Variants in OSMR observed in about 807,000 individuals in gnomAD.
OSMR encodes oncostatin-M-specific receptor subunit beta.
Under a neutral mutation model 99.9 loss-of-function variants are expected in OSMR, and 81 were observed. The observed-to-expected ratio is 0.81, with a 90% CI of 0.68 to 0.97. The LOEUF is 0.97. Ranked by LOEUF, OSMR falls within the 50% of genes least tolerant of loss-of-function variation. The pLI is 0.00. For synonymous variants in OSMR, 406 were observed against 410.4 expected (o/e 0.99, Z 0.13); for missense variants, 1,099 against 1,153.4 (o/e 0.95, Z 0.68).
chr5:38,908,967 A>G (rs1745408627), intron 9 of OSMR, among the ~76,000 whole-genome samples: 1 of 152,228 alleles, frequency 6.6e-6, no homozygotes, highest in Non-Finnish European at 1.5e-5. Context: ...GATAGAAACA[A>G]AGATCATCAA....
intron 1 of OSMR, among the ~76,000 whole-genome samples, chr5:38,859,220 T>A (rs1252742544): frequency 6.6e-6 from 1 of 152,214 alleles, no homozygotes; most frequent in East Asian, 1.9e-4. Flanking sequence ...TTTTCTAGTA[T>A]TTTTATAGTT....
chr5:38,863,153 G>C (rs950738239), intron 1 of OSMR, among the ~76,000 whole-genome samples: 1 of 139,882 alleles, frequency 7.1e-6, no homozygotes, highest in African/African-American at 2.6e-5. Context: ...GGGAGACCAT[G>C]TAAAGAGGGA....
At chr5:38,886,381 A>G in intron 7 of OSMR, 191 bp downstream of exon 7, 2 of 1,409,072 alleles carry the variant, frequency 1.4e-6, no homozygotes, top group Non-Finnish European at 1.8e-6. Flanking sequence ...GTTTCTTTTA[A>G]TAATGTCACG....
At position 38,932,138 on chromosome 5, in the gene OSMR, G is replaced by A. The variant is rs140283432; in HGVS notation, c.2294+174G>A. ...TATTTCACAATTTTGTTTTCCAAGT[G>A]GCTATATGAGGAAACTAATCACCAT... On this transcript the variant is annotated intron_variant, in intron 16 of 17. Transcript: ENST00000274276. Among the ~76,000 whole-genome samples the A allele has an allele frequency of 7.9e-5, 12 of 152,222 alleles. No homozygotes were observed. In the East Asian group the frequency reaches 2.3e-3, roughly 29 times the overall value.
At chr5:38,923,069 T>G in intron 12 of OSMR, 81 bp from the exon 13 acceptor site, 1 of 1,572,654 alleles carries the variant, frequency 6.4e-7, no homozygotes, top group Non-Finnish European at 8.7e-7. Context: ...AGCCAACGTG[T>G]CATGCCTTTT....
At chr5:38,936,138 A>AAGT (rs1187756888), downstream of OSMR, among the ~76,000 whole-genome samples, 1 of 152,186 alleles carries the variant, frequency 6.6e-6, no homozygotes, top group Non-Finnish European at 1.5e-5. Flanking sequence ...ATATACACAA[A>AAGT]AGTAGAATAG....
intron 1 of OSMR, among the ~76,000 whole-genome samples, chr5:38,849,067 T>G (rs1258348686): frequency 6.6e-6 from 1 of 152,170 alleles, no homozygotes; most frequent in Non-Finnish European, 1.5e-5. Context: ...CGTGAGCCAC[T>G]GCGCCCGGCC....
Position 38,944,786 on chromosome 5 carries a change from T to C in OSMR, c.*87-160T>C. On this transcript the variant is annotated intron_variant and NMD_transcript_variant, in intron 2 of 2. Transcript: ENST00000508882. ...GCAATAATTAACAGTGTTAAATTGC[T>C]TCACTAAAATGGACGTATTACTGTT... 12 of 979,784 alleles carry C rather than the reference T, an allele frequency of 1.2e-5. No homozygotes were observed. In the South Asian group the frequency reaches 1.6e-4, roughly 13 times the overall value. The allele number at this position is 979,784 out of a possible 1,614,324, so 60.7% of individuals were successfully genotyped here.
chr5:38,885,758 A>T, intron 6 of OSMR: 1 of 556,732 alleles, frequency 1.8e-6, no homozygotes, highest in Non-Finnish European at 2.3e-6. Flanking sequence ...ATCTGGGTTT[A>T]CCCAATTTCT....
chr5:38,883,609 A>G (rs1394649453), intron 4 of OSMR: 39 of 666,044 alleles, frequency 5.9e-5, no homozygotes, highest in Non-Finnish European at 6.7e-5. Flanking sequence ...TGGCAGTAAG[A>G]GCAACAGCAG....
rs1746928797 is a variant in OSMR at position 38,934,547 on chromosome 5, GTTGGT to G, written c.*1105_*1109del. On this transcript the variant is annotated 3_prime_UTR_variant, in exon 18 of 18. Transcript: ENST00000274276. ...GTACACAACTGGTATTTTAGTACATGTTGGTTCTTTTGGTGCAATCTCAGCTCACT... is the reference window on the plus strand; with the variant it reads ...GTACACAACTGGTATTTTAGTACATGTCTTTTGGTGCAATCTCAGCTCACT... The G allele has an allele frequency of 6.6e-6, 1 of 152,104 alleles. No homozygotes were observed. Among genetic ancestry groups the G allele is most frequent in the South Asian group, 2.1e-4 (1 of 4,828 alleles). The allele number at this position is 152,104 out of a possible 1,614,324, so 9.4% of individuals were successfully genotyped here. A position where few individuals can be genotyped will look rare whatever the true frequency, so the allele number is the denominator to read the frequency against.
intron 7 of OSMR, among the ~76,000 whole-genome samples, chr5:38,895,237 T>C (rs1744430551): frequency 6.6e-6 from 1 of 151,782 alleles, no homozygotes; most frequent in Non-Finnish European, 1.5e-5. Context: ...AGAAAATAAA[T>C]AACTAAAATT....
intron 2 of OSMR, among the ~76,000 whole-genome samples, chr5:38,875,520 C>T (rs771226777): frequency 2.6e-5 from 4 of 152,164 alleles, no homozygotes; most frequent in East Asian, 1.9e-4. Flanking sequence ...TGTTTGAATT[C>T]CTATTCTTTT....
chr5:38,855,716 C>T (rs1740784153), intron 1 of OSMR, among the ~76,000 whole-genome samples: 1 of 149,654 alleles, frequency 6.7e-6, no homozygotes, highest in Non-Finnish European at 1.5e-5. Flanking sequence ...GCCACCGCCA[C>T]ACCCCCCCAC....
intron 1 of OSMR, among the ~76,000 whole-genome samples, chr5:38,855,658 C>T (rs1740777599): frequency 6.6e-6 from 1 of 152,050 alleles, no homozygotes; most frequent in African/African-American, 2.4e-5. Flanking sequence ...CTCTGAGACC[C>T]TCATCATTCT....
chr5:38,881,803 T>C (rs1237445211), intron 4 of OSMR, 39 bp downstream of exon 4: 2 of 1,543,412 alleles, frequency 1.3e-6, no homozygotes, highest in Admixed American at 1.7e-5. Flanking sequence ...AAAGGGTTAA[T>C]ATATTTTTTA....
chr5:38,861,292 G>C (rs909352198), intron 1 of OSMR, among the ~76,000 whole-genome samples: 21 of 151,976 alleles, frequency 1.4e-4, no homozygotes, highest in African/African-American at 4.8e-4. Context: ...TTGTGTCCCT[G>C]GGTACTTGAG....
chr5:38,872,284 A>G (rs1239351880), intron 2 of OSMR, among the ~76,000 whole-genome samples: 1 of 152,250 alleles, frequency 6.6e-6, no homozygotes, highest in African/African-American at 2.4e-5. Context: ...CTGATAGCGT[A>G]TGTTAATATA....
rs140098662 is a variant in OSMR at position 38,925,267 on chromosome 5, A to C, written c.2108A>C (p.Asn703Thr). ...NPEEKALIVD[N>T]LKPESFYEFF... ...GAAGAAAAGGCATTGATTGTGGACAACCTAAAGCCAGAATCCTTCTATGAG... is the reference window on the plus strand; with the variant it reads ...GAAGAAAAGGCATTGATTGTGGACACCCTAAAGCCAGAATCCTTCTATGAG... The change falls in exon 15 of 18, where the codon AAC (asparagine) becomes ACC (threonine). Residue 703 changes from asparagine (N) to threonine (T), a missense_variant. Transcript: ENST00000274276. 3 of 1,614,060 alleles carry C rather than the reference A, an allele frequency of 1.9e-6. No homozygotes were observed. The highest frequency in any genetic ancestry group is 1.6e-4 in the Middle Eastern group (1 of 6,062).
Sources: allele counts gnomAD v4.1 joint callset (sites outside exome capture counted in the v4.1 genomes callset), GRCh38; gene constraint gnomAD v4.1.1; transcripts MANE v1.5; gene names NCBI Gene and HGNC (gene_info 2026-07-23, HGNC 2026-07-21).